Variants in GABRA4 observed in about 807,000 individuals in gnomAD.
GABRA4 encodes gamma-aminobutyric acid receptor subunit alpha-4.
GABRA4 carries 12 observed loss-of-function variants against 49.7 expected under a neutral mutation model. The observed-to-expected ratio is 0.24, with a 90% CI of 0.15 to 0.39. GABRA4 has a LOEUF of 0.39. Ranked by LOEUF, GABRA4 falls within the 10% of genes least tolerant of loss-of-function variation. The pLI is 1.00. For synonymous variants in GABRA4, 288 were observed against 240.2 expected (o/e 1.20, Z -1.84); for missense variants, 506 against 686.0 (o/e 0.74, Z 2.93).
chr4:46,982,470 A>G (rs1283895865), intron 2 of GABRA4, among the ~76,000 whole-genome samples: 1 of 151,958 alleles, frequency 6.6e-6, no homozygotes, highest in Non-Finnish European at 1.5e-5. Flanking sequence ...AGAAGAAACC[A>G]ATTTTGCCTA....
intron 8 of GABRA4, among the ~76,000 whole-genome samples, chr4:46,932,596 T>A (rs1372804538): frequency 6.6e-6 from 1 of 152,170 alleles, no homozygotes; most frequent in Non-Finnish European, 1.5e-5. Context: ...TAGAATAATT[T>A]ACTTGAGTTT....
At chr4:46,965,267 C>G (rs372447640) in intron 7 of GABRA4, 38 bp from the exon 8 acceptor site, 1 of 1,365,640 alleles carries the variant, frequency 7.3e-7, no homozygotes, top group African/African-American at 1.5e-5. Context: ...AACACCTTAC[C>G]ATCATTTGTA....
chr4:46,993,005 G>T, intron 1 of GABRA4, 59 bp from the exon 2 acceptor site: 1 of 1,292,788 alleles, frequency 7.7e-7, no homozygotes. Flanking sequence ...ATCCATCAGA[G>T]AACAGGTGCA....
intron 8 of GABRA4, among the ~76,000 whole-genome samples, chr4:46,930,134 G>A (rs1347305761): frequency 1.3e-5 from 2 of 152,028 alleles, no homozygotes; most frequent in Non-Finnish European, 2.9e-5. Flanking sequence ...GACTCTGACA[G>A]GTGTAGAAAG....
At chr4:46,944,437 T>G (rs1416670639) in intron 8 of GABRA4, among the ~76,000 whole-genome samples, 15 of 152,082 alleles carry the variant, frequency 9.9e-5, no homozygotes, top group Non-Finnish European at 4.4e-5. Context: ...CTTGATTGGC[T>G]TTTCTTCTTT....
chr4:46,992,835 T>A lies in GABRA4; in HGVS notation c.198A>T (p.Gly66=), dbSNP rs1356496789. The A allele has an allele frequency of 4.3e-6, 7 of 1,612,926 alleles. No homozygotes were observed. Among genetic ancestry groups the A allele is most frequent in the Non-Finnish European group, 5.9e-6 (7 of 1,179,244 alleles). ...LDGYDNRLRP[G]FGGPVTEVKT... ...GTTTGAAATCGTTCATACCCCCAAA[T>A]CCAGGACGCAGCCTGTTGTCATAAC... The change falls in exon 2 of 9, where the codon GGA becomes GGT. Residue 66 remains glycine (G), a synonymous_variant. Coordinates refer to ENST00000264318, the MANE Select transcript of GABRA4 (RefSeq NM_000809.4).
At chr4:46,952,879 C>A (rs1034095981) in intron 8 of GABRA4, among the ~76,000 whole-genome samples, 2 of 151,664 alleles carry the variant, frequency 1.3e-5, no homozygotes, top group East Asian at 3.9e-4. Flanking sequence ...CAGAAAAAAA[C>A]CTTTTAATAA....
chr4:46,941,200 C>T (rs532118742), intron 8 of GABRA4, among the ~76,000 whole-genome samples: 171 of 152,024 alleles, frequency 1.1e-3, no homozygotes, highest in African/African-American at 3.9e-3. Flanking sequence ...TCTCTATCAA[C>T]TTGTATAAAA....
intron 2 of GABRA4, 81 bp downstream of exon 2, chr4:46,992,747 T>C (rs1326995532): frequency 3.0e-6 from 3 of 1,002,610 alleles, no homozygotes; most frequent in South Asian, 1.3e-5. Context: ...GCATACCTAA[T>C]GATATTCCCA....
In GABRA4 at chr4:46,950,383, T is replaced by A. The variant is rs553346115; in HGVS notation, c.1134+14587A>T. ...TCTTCAAAACAAATAACCTAACGAA[T>A]TTAAAAATGCAAATCACTATCATCA... is the stretch of plus-strand genomic sequence containing the variant. On this transcript the variant is annotated intron_variant, in intron 8 of 8. Transcript: ENST00000264318. 2.2e-4 allele frequency among the ~76,000 whole-genome samples: 34 copies of A among 152,128 alleles called. No homozygotes were observed. The South Asian group carries it at 6.8e-3, about 31-fold the overall frequency.
At chr4:46,950,648 G>A (rs1351167338) in intron 8 of GABRA4, among the ~76,000 whole-genome samples, 1 of 151,438 alleles carries the variant, frequency 6.6e-6, no homozygotes. Context: ...TGAAAGTTAA[G>A]TGCCTAACCC....
intron 7 of GABRA4, among the ~76,000 whole-genome samples, chr4:46,967,163 T>C (rs1048644377): frequency 2.0e-5 from 3 of 151,712 alleles, no homozygotes; most frequent in African/African-American, 7.2e-5. Flanking sequence ...TTCTCAGATA[T>C]ATAAGCAATA....
intron 2 of GABRA4, among the ~76,000 whole-genome samples, chr4:46,980,535 A>T (rs1337306782): frequency 6.6e-6 from 1 of 152,134 alleles, no homozygotes; most frequent in Non-Finnish European, 1.5e-5. Flanking sequence ...TTCTTTACTG[A>T]ATAAGTATCC....
rs879110032 is a variant in GABRA4, at chr4:46,993,076, G to A, written c.87-130C>T. 133 of 760,368 alleles carry A rather than the reference G, an allele frequency of 1.7e-4. No homozygotes were observed. The South Asian group carries it at 2.1e-3, about 12-fold the overall frequency. 47.1% of individuals were successfully genotyped at this position (760,368 alleles called of 1,614,324 possible). A position where few individuals can be genotyped will look rare whatever the true frequency, so the allele number is the denominator to read the frequency against. On this transcript the variant is annotated intron_variant, in intron 1 of 8. Coordinates refer to ENST00000264318, the MANE Select transcript of GABRA4 (RefSeq NM_000809.4). ...CCAAGCTAAAGGAGAGGAGGTTGGGGGTTGGGATGCAGAAGACAGAAATGG... is the reference window on the plus strand; with the variant it reads ...CCAAGCTAAAGGAGAGGAGGTTGGGAGTTGGGATGCAGAAGACAGAAATGG...
chr4:46,977,068 G>T lies in GABRA4; in HGVS notation c.570C>A (p.Phe190Leu). The change falls in exon 5 of 9, where the codon TTC becomes TTA. Residue 190 changes from phenylalanine (F) to leucine (L), a missense_variant. Physicochemically the swap from Phe to Leu is conservative, Grantham distance 22 (BLOSUM62 0). Transcript: ENST00000264318. ...PMDGHACPLK[F>L]GSYAYPKSEM... The stretch of plus-strand genomic sequence containing the variant: ...ATTTTTATTATAACTTACAACTCCC[G>T]AATTTCAAAGGGCATGCATGACCAT... 1 of 1,600,906 alleles carries T rather than the reference G, an allele frequency of 6.2e-7. No homozygotes were observed. The highest frequency in any genetic ancestry group is 8.5e-7 in the Non-Finnish European group (1 of 1,170,836).
intron 2 of GABRA4, among the ~76,000 whole-genome samples, chr4:46,984,953 T>C (rs1723482578): frequency 6.6e-6 from 1 of 152,006 alleles, no homozygotes; most frequent in African/African-American, 2.4e-5. Context: ...AAGAAACTCT[T>C]GCACATTTAC....
chr4:46,925,032 G>C lies in GABRA4; in HGVS notation c.*3193C>G, dbSNP rs1046214508. 2.0e-5 allele frequency: 3 copies of C among 152,002 alleles called. No homozygotes were observed. The highest frequency in any genetic ancestry group is 4.4e-5 in the Non-Finnish European group (3 of 67,912). The allele number at this position is 152,002 out of a possible 1,614,324, so 9.4% of individuals were successfully genotyped here. ...ACCATTAAGAACAGGAATGGGGAGA[G>C]TGGAGATATTTTTCTAGGCCAGGAA... On this transcript the variant is annotated 3_prime_UTR_variant, in exon 9 of 9. Transcript: ENST00000264318.
intron 8 of GABRA4, among the ~76,000 whole-genome samples, chr4:46,933,892 T>A (rs1393525466): frequency 6.6e-6 from 1 of 152,200 alleles, no homozygotes; most frequent in Non-Finnish European, 1.5e-5. Context: ...AGATGCAAGG[T>A]GGTAGATTTA....
intron 2 of GABRA4, among the ~76,000 whole-genome samples, chr4:46,985,035 G>A (rs897541614): frequency 6.6e-6 from 1 of 151,938 alleles, no homozygotes; most frequent in Non-Finnish European, 1.5e-5. Context: ...ACTGCCAACA[G>A]AGCAGATGAA....
Sources: gnomAD v4.1 joint callset for allele counts (sites outside exome capture counted in the v4.1 genomes callset) on GRCh38, gnomAD v4.1.1 for gene constraint, MANE v1.5 for transcripts, NCBI Gene and HGNC (gene_info 2026-07-23, HGNC 2026-07-21) for gene names.